Variants in SERPINB12 observed in about 807,000 individuals in gnomAD.
SERPINB12 encodes serpin family B member 12.
A neutral mutation model predicts 41.1 loss-of-function variants in SERPINB12; 57 were observed. The observed-to-expected ratio is 1.39, with a 90% CI of 1.12 to 1.73. The LOEUF is 1.73. Among genes scored for constraint, SERPINB12 ranks in the 40% most tolerant of loss-of-function variants. The probability of loss-of-function intolerance (pLI) is 0.00; values close to 1 mark genes in which losing one functional copy is unlikely to be tolerated. For synonymous variants in SERPINB12, 180 were observed against 181.3 expected, an observed-to-expected ratio of 0.99 and a Z score of 0.06; for missense variants, 536 against 501.9, an observed-to-expected ratio of 1.07 and a Z score of -0.65.
In SERPINB12 at chr18:63,564,028, C is replaced by T. The variant is rs1911008292; in HGVS notation, c.613C>T (p.Leu205=). Reference sequence around the variant, plus strand: ...GGACGCTATTAATGCTGAGACTGTGCTGGTACTGGTGAATGCTGTTTACTT... The same window carrying T: ...GGACGCTATTAATGCTGAGACTGTGTTGGTACTGGTGAATGCTGTTTACTT... ...SKDAINAETV[L]VLVNAVYFKA... Residue 205 remains leucine (L), a synonymous_variant, in exon 6 of 8, where the codon CTG becomes TTG. Transcript: ENST00000382768. The T allele has an allele frequency of 3.1e-6, 5 of 1,613,806 alleles. No homozygotes were observed. Among genetic ancestry groups the T allele is most frequent in the African/African-American group, 2.7e-5 (2 of 74,856 alleles).
intron 4 of SERPINB12, among the ~76,000 whole-genome samples, chr18:63,560,128 A>C (rs1285631150): frequency 6.6e-6 from 1 of 151,966 alleles, no homozygotes; most frequent in Non-Finnish European, 1.5e-5. Context: ...GGATCAGGCT[A>C]CCCCCGCAAT....
In SERPINB12 at chr18:63,559,752, A is replaced by C. The variant is rs1243988139; in HGVS notation, c.444+34A>C. ...CACACGAATGGTGACTAAAGCTACC[A>C]TGTAGCATACTATTTAAAAATCAGG... On this transcript the variant is annotated intron_variant, in intron 4 of 7. Transcript: ENST00000382768. 1.9e-6 allele frequency: 3 copies of C among 1,610,508 alleles called. No homozygotes were observed. In the African/African-American group the frequency reaches 4.0e-5, roughly 22 times the overall value.
Position 63,566,615 on chromosome 18 carries a change from G to C in SERPINB12, c.882G>C (p.Arg294Ser), listed in dbSNP as rs1291387846. ...TTTCCTTCCTCTTGTAGCTTGAAAG[G>C]AAAATCACCTATGAAAAAATGGTGG... ...DNLKGLEELERKITYEKMVAW... is the reference protein window; with the variant it reads ...DNLKGLEELESKITYEKMVAW... Residue 294 changes from arginine to serine, a missense_variant, in exon 8 of 8, where the codon AGG (arginine) becomes AGC (serine). Arg to Ser is a moderately radical substitution (Grantham distance 110). Coordinates refer to ENST00000382768, the MANE Select transcript of SERPINB12 (RefSeq NM_001307928.2). The C allele has an allele frequency of 6.2e-7, 1 of 1,605,572 alleles. No individual in the cohort carries two copies. Among genetic ancestry groups the C allele is most frequent in the South Asian group, 1.1e-5 (1 of 89,306 alleles).
At chr18:63,541,506 C>T (rs757895231), upstream of SERPINB12, among the ~76,000 whole-genome samples, 15 of 152,106 alleles carry the variant, frequency 9.9e-5, no homozygotes, top group Non-Finnish European at 2.1e-4. Flanking sequence ...GCAAATTGAA[C>T]TAAATGCCCT....
upstream of SERPINB12, among the ~76,000 whole-genome samples, chr18:63,538,136 A>T (rs1202245841): frequency 2.0e-5 from 3 of 152,184 alleles, no homozygotes; most frequent in African/African-American, 7.2e-5. Context: ...CTTCTGCTGG[A>T]AGCCTTGATC....
intron 4 of SERPINB12, among the ~76,000 whole-genome samples, chr18:63,560,205 A>T (rs575687984): frequency 6.6e-6 from 1 of 152,256 alleles, no homozygotes; most frequent in East Asian, 1.9e-4. Flanking sequence ...TGGCATTTGG[A>T]GCTGAAAGGC....
chr18:63,560,535 T>C (rs547654339), intron 4 of SERPINB12, among the ~76,000 whole-genome samples: 445 of 152,320 alleles, frequency 2.9e-3, no homozygotes, highest in African/African-American at 0.01. Flanking sequence ...CACAAACCAA[T>C]GGGTTTGGTA....
At chr18:63,563,303 TGTA>T (rs1910974748) in intron 5 of SERPINB12, among the ~76,000 whole-genome samples, 1 of 152,234 alleles carries the variant, frequency 6.6e-6, no homozygotes, top group Non-Finnish European at 1.5e-5. Flanking sequence ...AAGTTTATAT[TGTA>T]GTTCTTTGTT....
chr18:63,533,271 C>T, the SERPINB12 span, among the ~76,000 whole-genome samples: 12 of 152,144 alleles, frequency 7.9e-5, no homozygotes, highest in South Asian at 2.1e-4. Flanking sequence ...CCACCACGCC[C>T]GGCCTCGTAT....
Position 63,566,752 on chromosome 18 carries a change from C to G in SERPINB12, c.1019C>G (p.Thr340Arg), listed in dbSNP as rs527340841. Residue 340 changes from threonine to arginine, a missense_variant, in exon 8 of 8, where the codon ACG becomes AGG. Transcript: ENST00000382768. ...TCCATTTTACAAGACATGGGCATTA[C>G]GGATATCTTTGATGAAACGAGGGCT... ...LNSILQDMGI[T>R]DIFDETRADL... 1 of 1,614,074 alleles carries G rather than the reference C, an allele frequency of 6.2e-7. No individual in the cohort carries two copies. The highest frequency in any genetic ancestry group is 2.2e-5 in the East Asian group (1 of 44,884).
chr18:63,565,240 A>T (rs1193047371), intron 6 of SERPINB12, among the ~76,000 whole-genome samples: 2 of 152,146 alleles, frequency 1.3e-5, no homozygotes, highest in African/African-American at 4.8e-5. Flanking sequence ...ACAACAAAAA[A>T]AGACACGGAA....
chr18:63,568,973 A>G lies in SERPINB12; in HGVS notation c.*1962A>G, dbSNP rs1252258187. Reference sequence around the variant, plus strand: ...GGTCAAATTAATTTCAGATAACCAAAAACTTCATGTCCCCTGTGGTTCCTT... The same window carrying G: ...GGTCAAATTAATTTCAGATAACCAAGAACTTCATGTCCCCTGTGGTTCCTT... On this transcript the variant is annotated 3_prime_UTR_variant, in exon 8 of 8. Coordinates refer to ENST00000382768, the MANE Select transcript of SERPINB12 (RefSeq NM_001307928.2). 6.6e-6 allele frequency among the ~76,000 whole-genome samples: 1 copy of G among 152,130 alleles called. No homozygotes were observed. Among genetic ancestry groups the G allele is most frequent in the Non-Finnish European group, 1.5e-5 (1 of 68,022 alleles).
rs374734513 is a variant in SERPINB12 at position 63,559,003 on chromosome 18, CTTCTTTCT to C, written c.304-526_304-519del. On this transcript the variant is annotated intron_variant, in intron 3 of 7. Coordinates refer to ENST00000382768, the MANE Select transcript of SERPINB12 (RefSeq NM_001307928.2). The stretch of plus-strand genomic sequence containing the variant: ...ATGATTGTCTTTCTTTCTTTCCTTC[CTTCTTTCT>C]TTCTTTCTTTCTTTCTTTCTTTCTT... Among the ~76,000 whole-genome samples the C allele has an allele frequency of 1.0e-3, 81 of 78,610 alleles. 1 individual carries two copies. Among genetic ancestry groups the C allele is most frequent in the South Asian group, 9.7e-3 (19 of 1,950 alleles). The allele number at this position is 78,610 out of a possible 152,430, so 51.6% of individuals were successfully genotyped here.
chr18:63,550,717 A>T (rs1194297119), intron 1 of SERPINB12, among the ~76,000 whole-genome samples: 2 of 152,134 alleles, frequency 1.3e-5, no homozygotes, highest in Admixed American at 6.5e-5. Context: ...CATTTTTCCC[A>T]ACTCTGGGTA....
the SERPINB12 span, among the ~76,000 whole-genome samples, chr18:63,520,851 A>G: frequency 6.6e-6 from 1 of 152,258 alleles, no homozygotes; most frequent in Admixed American, 6.5e-5. Flanking sequence ...AGTAACACAT[A>G]GAGAGGGAAA....
At chr18:63,526,710 CCT>C in the SERPINB12 span, among the ~76,000 whole-genome samples, 1 of 152,172 alleles carries the variant, frequency 6.6e-6, no homozygotes, top group Non-Finnish European at 1.5e-5. Context: ...CATGTTTTCA[CCT>C]CTCTTTTCAA....
At position 63,566,813 on chromosome 18, in the gene SERPINB12, C is replaced by T. The variant is rs761119615; in HGVS notation, c.1080C>T (p.Tyr360=). Residue 360 remains tyrosine, a synonymous_variant, in exon 8 of 8, where the codon TAC becomes TAT. Coordinates refer to ENST00000382768, the MANE Select transcript of SERPINB12 (RefSeq NM_001307928.2). ...GAATCTCTCCAAGTCCCAATTTGTA[C>T]TTGTCAAAAATTATCCACAAAACCT... ...LTGISPSPNL[Y]LSKIIHKTFV... The T allele has an allele frequency of 6.2e-7, 1 of 1,614,094 alleles. No individual in the cohort carries two copies. Among genetic ancestry groups the T allele is most frequent in the African/African-American group, 1.3e-5 (1 of 75,022 alleles).
At chr18:63,522,377 G>A in the SERPINB12 span, among the ~76,000 whole-genome samples, 9 of 152,208 alleles carry the variant, frequency 5.9e-5, no homozygotes, top group Admixed American at 5.9e-4. Flanking sequence ...TCCAAATTTT[G>A]GAGGGATCAA....
rs3216122 is a variant in SERPINB12 at position 63,569,137 on chromosome 18, AT to A, written c.*2135del. On this transcript the variant is annotated 3_prime_UTR_variant, in exon 8 of 8. Transcript: ENST00000382768. ...TCTTATTCTTTTACTTGGTAAACAC[AT>A]TTTTTTTTCATTTACATCGGGATTT... 6.6e-6 allele frequency among the ~76,000 whole-genome samples: 1 copy of A among 151,108 alleles called. No homozygotes were observed. The highest frequency in any genetic ancestry group is 1.5e-5 in the Non-Finnish European group (1 of 67,780).
Sources: allele counts gnomAD v4.1 joint callset (sites outside exome capture counted in the v4.1 genomes callset), GRCh38; gene constraint gnomAD v4.1.1; transcripts MANE v1.5; gene names NCBI Gene and HGNC (gene_info 2026-07-23, HGNC 2026-07-21).